The following CSTPP1 variants were observed in gnomAD, a reference collection of about 807,000 sequenced individuals.
CSTPP1 encodes the protein UPF0705 protein C11orf49.
chr11:46,944,368 C>G, the CSTPP1 span, among the ~76,000 whole-genome samples: 1 of 151,512 alleles, frequency 6.6e-6, no homozygotes, highest in African/African-American at 2.4e-5. Context: ...AAGCATTTAT[C>G]CTGTTAGAGC....
At chr11:47,081,295 A>G in the CSTPP1 span, among the ~76,000 whole-genome samples, 2 of 152,202 alleles carry the variant, frequency 1.3e-5, no homozygotes, top group Admixed American at 1.3e-4. Context: ...TAAAATAACC[A>G]GAAATATCCC....
At chr11:47,048,092 C>T in the CSTPP1 span, among the ~76,000 whole-genome samples, 2 of 152,268 alleles carry the variant, frequency 1.3e-5, no homozygotes, top group African/African-American at 2.4e-5. Context: ...GAAAACAGTT[C>T]GGTTGTTTCT....
the CSTPP1 span, among the ~76,000 whole-genome samples, chr11:47,121,314 T>C: frequency 5.8e-4 from 88 of 152,326 alleles, no homozygotes; most frequent in Non-Finnish European, 1.1e-3. Context: ...AGAGTATGTC[T>C]TGGAACCCTG....
chr11:47,098,835 G>A, the CSTPP1 span, among the ~76,000 whole-genome samples: 19 of 152,092 alleles, frequency 1.2e-4, no homozygotes, highest in African/African-American at 4.6e-4. Context: ...TTCACGGTCT[G>A]TGTAAATCTG....
chr11:46,998,798 C>T, the CSTPP1 span, among the ~76,000 whole-genome samples: 212 of 152,062 alleles, frequency 1.4e-3, 1 homozygote, highest in Non-Finnish European at 2.6e-3. Flanking sequence ...TGCAGTGGCG[C>T]GATCTCGGCT....
the CSTPP1 span, among the ~76,000 whole-genome samples, chr11:47,096,889 T>G: frequency 6.6e-6 from 1 of 152,248 alleles, no homozygotes; most frequent in Non-Finnish European, 1.5e-5. Flanking sequence ...TAGTTTCTTT[T>G]TATAAAATGC....
At chr11:47,006,796 T>C in the CSTPP1 span, among the ~76,000 whole-genome samples, 1 of 150,462 alleles carries the variant, frequency 6.6e-6, no homozygotes, top group Non-Finnish European at 1.5e-5. Flanking sequence ...CTTGCCATCT[T>C]GCCCAGACTG....
At chr11:47,098,336 TAAA>T in the CSTPP1 span, among the ~76,000 whole-genome samples, 418 of 149,486 alleles carry the variant, frequency 2.8e-3, 3 homozygotes, top group African/African-American at 9.5e-3. Flanking sequence ...AATAAATAAA[TAAA>T]AAATAAAAAA....
the CSTPP1 span, among the ~76,000 whole-genome samples, chr11:47,055,696 G>C: frequency 6.6e-6 from 1 of 152,076 alleles, no homozygotes; most frequent in Non-Finnish European, 1.5e-5. Flanking sequence ...GCTAGAAATT[G>C]AACCCAGATT....
the CSTPP1 span, among the ~76,000 whole-genome samples, chr11:47,053,300 T>C: frequency 1.3e-5 from 2 of 152,086 alleles, no homozygotes; most frequent in African/African-American, 4.8e-5. Context: ...ATAATGGAGC[T>C]GCTGAAAGAT....
chr11:46,953,278 G>A, the CSTPP1 span, among the ~76,000 whole-genome samples: 1 of 152,152 alleles, frequency 6.6e-6, no homozygotes, highest in African/African-American at 2.4e-5. Context: ...TGACCAATTA[G>A]GGAAAGGAGG....
the CSTPP1 span, among the ~76,000 whole-genome samples, chr11:47,095,731 G>A: frequency 6.6e-6 from 1 of 152,126 alleles, no homozygotes; most frequent in African/African-American, 2.4e-5. Flanking sequence ...TTTCAACTAT[G>A]TTATTATTTG....
chr11:47,026,928 C>T, the CSTPP1 span, among the ~76,000 whole-genome samples: 9 of 152,094 alleles, frequency 5.9e-5, no homozygotes, highest in Non-Finnish European at 1.2e-4. Context: ...CATGTACACA[C>T]AATTTTGTTT....
At chr11:47,047,223 A>G in the CSTPP1 span, among the ~76,000 whole-genome samples, 1 of 152,206 alleles carries the variant, frequency 6.6e-6, no homozygotes, top group African/African-American at 2.4e-5. Context: ...TTCTATCAAA[A>G]TAAATAGGCT....
chr11:47,067,511 G>T, the CSTPP1 span, among the ~76,000 whole-genome samples: 1 of 152,112 alleles, frequency 6.6e-6, no homozygotes, highest in African/African-American at 2.4e-5. Context: ...GGTGATAAGG[G>T]TAGGGCTTCA....
the CSTPP1 span, among the ~76,000 whole-genome samples, chr11:47,028,113 C>T: frequency 1.3e-5 from 2 of 151,902 alleles, no homozygotes; most frequent in Admixed American, 6.6e-5. Context: ...TTAGTAGAGA[C>T]GGGGTTTCAC....
chr11:47,077,360 C>G, the CSTPP1 span, among the ~76,000 whole-genome samples: 1 of 152,048 alleles, frequency 6.6e-6, no homozygotes, highest in Admixed American at 6.5e-5. Flanking sequence ...CCACCACACC[C>G]AGCTAATTTT....
chr11:47,007,520 C>T, the CSTPP1 span, among the ~76,000 whole-genome samples: 1 of 151,962 alleles, frequency 6.6e-6, no homozygotes, highest in East Asian at 1.9e-4. Flanking sequence ...TAAATCTTGT[C>T]TTTCATTTGC....
At chr11:47,084,592 T>A in the CSTPP1 span, among the ~76,000 whole-genome samples, 1 of 152,146 alleles carries the variant, frequency 6.6e-6, no homozygotes, top group Non-Finnish European at 1.5e-5. Flanking sequence ...TCAAGGTTTT[T>A]CCCCGCTCCC....
Sources: allele counts gnomAD v4.1 joint callset (sites outside exome capture counted in the v4.1 genomes callset), GRCh38; gene constraint gnomAD v4.1.1; transcripts MANE v1.5; gene names NCBI Gene and HGNC (gene_info 2026-07-23, HGNC 2026-07-21).